FLT1: variants seen among roughly 807,000 people sequenced by gnomAD.
The protein encoded by FLT1 is vascular endothelial growth factor receptor 1.
Under a neutral mutation model 156.3 loss-of-function variants are expected in FLT1, and 49 were observed. The observed-to-expected ratio is 0.31, with a 90% CI of 0.25 to 0.40. FLT1 has a LOEUF of 0.40. Ranked by LOEUF, FLT1 falls within the 10% of genes least tolerant of loss-of-function variation. The probability of loss-of-function intolerance (pLI) is 1.00; values close to 1 mark genes in which losing one functional copy is unlikely to be tolerated. For synonymous variants in FLT1, 594 were observed against 583.8 expected, an observed-to-expected ratio of 1.02 and a Z score of -0.25; for missense variants, 1,322 against 1,637.2, an observed-to-expected ratio of 0.81 and a Z score of 3.32.
intron 10 of FLT1, among the ~76,000 whole-genome samples, chr13:28,416,747 T>C (rs1273572970): frequency 6.6e-6 from 1 of 152,208 alleles, no homozygotes; most frequent in Non-Finnish European, 1.5e-5. Context: ...TATATTTGGC[T>C]CTAGATGGTC....
At chr13:28,442,991 C>T (rs1404578887) in intron 3 of FLT1, among the ~76,000 whole-genome samples, 3 of 152,164 alleles carry the variant, frequency 2.0e-5, no homozygotes, top group Admixed American at 6.5e-5. Context: ...AGAGTGATTT[C>T]CTGAGACCAA....
At chr13:28,325,323 T>C (rs910326573) in intron 20 of FLT1, among the ~76,000 whole-genome samples, 17 of 152,162 alleles carry the variant, frequency 1.1e-4, no homozygotes, top group Admixed American at 3.3e-4. Context: ...CACTTTTTCT[T>C]ATGCTTTTTT....
chr13:28,396,497 T>C (rs996775326), intron 12 of FLT1, among the ~76,000 whole-genome samples: 33 of 152,326 alleles, frequency 2.2e-4, no homozygotes, highest in African/African-American at 7.2e-4. Flanking sequence ...TAAAGCTCTG[T>C]TTCAGATTGC....
Position 28,303,373 on chromosome 13 carries a change from A to G in FLT1, c.3816-5T>C. 6.2e-7 allele frequency: 1 copy of G among 1,612,754 alleles called. No homozygotes were observed. Among genetic ancestry groups the G allele is most frequent in the South Asian group, 1.1e-5 (1 of 91,054 alleles). On this transcript the variant is annotated splice_region_variant and splice_polypyrimidine_tract_variant and intron_variant, in intron 29 of 29. Coordinates refer to ENST00000282397, the MANE Select transcript of FLT1 (RefSeq NM_002019.4). ...CTTTTACTGGTTACTCTCAAGCTAA[A>G]GAAAGAAAGGAAAGAAATCAAATAT... is the stretch of plus-strand genomic sequence containing the variant.
intron 6 of FLT1, among the ~76,000 whole-genome samples, chr13:28,432,002 G>A (rs1011292765): frequency 6.6e-6 from 1 of 152,188 alleles, no homozygotes; most frequent in Non-Finnish European, 1.5e-5. Flanking sequence ...TGCTGTCCCA[G>A]GTTTGTCTCA....
chr13:28,325,905 C>G (rs1203000300), intron 20 of FLT1, among the ~76,000 whole-genome samples: 1 of 150,948 alleles, frequency 6.6e-6, no homozygotes, highest in Non-Finnish European at 1.5e-5. Flanking sequence ...TATTGCCGGT[C>G]CGGTAGAACA....
intron 12 of FLT1, among the ~76,000 whole-genome samples, chr13:28,390,552 C>T (rs1427785609): frequency 2.6e-5 from 4 of 152,086 alleles, no homozygotes; most frequent in African/African-American, 4.8e-5. Flanking sequence ...TGCATCACCA[C>T]GCTGGGCTAA....
intron 25 of FLT1, among the ~76,000 whole-genome samples, chr13:28,313,443 A>T (rs779734572): frequency 1.3e-5 from 2 of 152,112 alleles, no homozygotes; most frequent in Non-Finnish European, 2.9e-5. Flanking sequence ...TCTTCAAGGG[A>T]TGTTTATTAT....
At chr13:28,304,002 G>T (rs1447492611) in intron 29 of FLT1, among the ~76,000 whole-genome samples, 1 of 152,146 alleles carries the variant, frequency 6.6e-6, no homozygotes, top group Non-Finnish European at 1.5e-5. Flanking sequence ...ATCCAGACTA[G>T]GACAGACACC....
Position 28,434,125 on chromosome 13 carries a change from C to G in FLT1, c.609G>C (p.Gly203=). The part of the protein sequence containing the change: ...IISNATYKEI[G]LLTCEATVNG... Reference sequence around the variant, plus strand: ...TGACTGTTGCTTCACAGGTCAGAAGCCCTATTTCTTTGTACGTTGCATTTG... The same window carrying G: ...TGACTGTTGCTTCACAGGTCAGAAGGCCTATTTCTTTGTACGTTGCATTTG... The change falls in exon 5 of 30, where the codon GGG becomes GGC. Residue 203 remains glycine (G), a synonymous_variant. Coordinates refer to ENST00000282397, the MANE Select transcript of FLT1 (RefSeq NM_002019.4). The G allele has an allele frequency of 6.2e-7, 1 of 1,614,074 alleles. No individual in the cohort carries two copies. The highest frequency in any genetic ancestry group is 8.5e-7 in the Non-Finnish European group (1 of 1,179,982).
chr13:28,466,749 C>T lies in FLT1; in HGVS notation c.388+154G>A, dbSNP rs1879869303. 6 of 705,326 alleles carry T rather than the reference C, an allele frequency of 8.5e-6. No individual in the cohort carries two copies. In the East Asian group the frequency reaches 1.6e-4, roughly 19 times the overall value. The allele number at this position is 705,326 out of a possible 1,614,324, so 43.7% of individuals were successfully genotyped here. The stretch of plus-strand genomic sequence containing the variant: ...CCTTGACAATTCTGGTTAAAATTGA[C>T]ATCCACGAAAGTGTCTACAACTAGG... On this transcript the variant is annotated intron_variant, in intron 3 of 29. Transcript: ENST00000282397.
chr13:28,451,707 G>T (rs914616317), intron 3 of FLT1, among the ~76,000 whole-genome samples: 7 of 152,178 alleles, frequency 4.6e-5, no homozygotes, highest in Non-Finnish European at 8.8e-5. Flanking sequence ...GAAGTGCTGC[G>T]CTGATGACCT....
chr13:28,421,683 G>C (rs536530599), intron 10 of FLT1, among the ~76,000 whole-genome samples: 2 of 152,290 alleles, frequency 1.3e-5, no homozygotes, highest in South Asian at 4.1e-4. Flanking sequence ...CCGATCCTCA[G>C]AGTTAATGGT....
At chr13:28,382,187 C>T (rs1253517191) in intron 14 of FLT1, among the ~76,000 whole-genome samples, 1 of 152,146 alleles carries the variant, frequency 6.6e-6, no homozygotes. Flanking sequence ...GGATCTGCCT[C>T]CTATTTGTGG....
At chr13:28,357,868 C>CTTTTTTTTTTTTTTTTTTT (rs57304530) in intron 14 of FLT1, among the ~76,000 whole-genome samples, 183 bp from the exon 15 acceptor site, 52 of 104,724 alleles carry the variant, frequency 5.0e-4, no homozygotes, top group African/African-American at 1.8e-3. Context: ...CTTTTCTTTC[C>CTTTTTTTTTTTTTTTTTTT]TTTTTTTTTT....
intron 29 of FLT1, among the ~76,000 whole-genome samples, chr13:28,305,172 A>C (rs113626746): frequency 1.7e-3 from 266 of 152,272 alleles, no homozygotes; most frequent in African/African-American, 5.4e-3. Flanking sequence ...CAATTTCTCC[A>C]TATCCTCGCC....
rs184602364 is a variant in FLT1, at chr13:28,371,983, A to G, written c.2116+12902T>C. On this transcript the variant is annotated intron_variant, in intron 14 of 29. Transcript: ENST00000282397. ...ACCTAATATGCCTGTCACAAGGTTG[A>G]CTGTCAGTGAATATCTATTGAATGA... Among the ~76,000 whole-genome samples the G allele has an allele frequency of 3.4e-3, 478 of 140,084 alleles. 2 individuals carry two copies. Among genetic ancestry groups the G allele is most frequent in the African/African-American group, 0.013 (455 of 36,188 alleles). 91.9% of individuals were successfully genotyped at this position (140,084 alleles called of 152,430 possible). A position where few individuals can be genotyped will look rare whatever the true frequency, so the allele number is the denominator to read the frequency against.
At chr13:28,360,545 A>C (rs998964149) in intron 14 of FLT1, among the ~76,000 whole-genome samples, 2 of 152,236 alleles carry the variant, frequency 1.3e-5, no homozygotes, top group Non-Finnish European at 2.9e-5. Context: ...GACAATATGG[A>C]TGAACCTAGA....
At chr13:28,305,801 G>T (rs60345874) in intron 29 of FLT1, among the ~76,000 whole-genome samples, 3,762 of 152,214 alleles carry the variant, frequency 0.025, 169 homozygotes, top group African/African-American at 0.085. Context: ...GCTTACCAGC[G>T]ATTGTCAGTG....
Sources: gnomAD v4.1 joint callset for allele counts (sites outside exome capture counted in the v4.1 genomes callset) on GRCh38, gnomAD v4.1.1 for gene constraint, MANE v1.5 for transcripts, NCBI Gene and HGNC (gene_info 2026-07-23, HGNC 2026-07-21) for gene names.